Variants in PTPRM observed in about 807,000 individuals in gnomAD.
PTPRM encodes receptor-type tyrosine-protein phosphatase mu.
In PTPRM, 47 loss-of-function variants were observed where a neutral mutation model predicts 186.7. The ratio of observed to expected loss-of-function variants is 0.25; its 90% CI spans 0.20 to 0.32. The LOEUF is 0.32. Ranked by LOEUF, PTPRM falls within the 10% of genes least tolerant of loss-of-function variation. The pLI is 1.00. For missense variants in PTPRM, 1,494 were observed against 1,865.0 expected, an observed-to-expected ratio of 0.80 and a Z score of 3.66; for synonymous variants, 668 against 674.9, an observed-to-expected ratio of 0.99 and a Z score of 0.16.
chr18:8,236,008 G>C (rs2094341945), intron 14 of PTPRM, among the ~76,000 whole-genome samples: 1 of 152,134 alleles, frequency 6.6e-6, no homozygotes, highest in Non-Finnish European at 1.5e-5. Context: ...TCTATCTGGT[G>C]AATGTACCCT....
At chr18:7,611,999 A>G (rs2037687224) in intron 1 of PTPRM, among the ~76,000 whole-genome samples, 1 of 152,230 alleles carries the variant, frequency 6.6e-6, no homozygotes, top group Non-Finnish European at 1.5e-5. Flanking sequence ...CAATGACAAA[A>G]TTGTCTAACT....
intron 2 of PTPRM, among the ~76,000 whole-genome samples, chr18:7,845,631 A>G (rs1443614): frequency 0.67 from 102,093 of 152,150 alleles, 34,748 homozygotes; most frequent in East Asian, 0.9. Context: ...TCCTTTTCAC[A>G]TTTATGGACA....
intron 1 of PTPRM, among the ~76,000 whole-genome samples, chr18:7,736,286 T>C (rs2040769559): frequency 6.6e-6 from 1 of 152,214 alleles, no homozygotes; most frequent in Non-Finnish European, 1.5e-5. Flanking sequence ...TGAGTTTTCA[T>C]AAATGCCAAA....
chr18:7,613,855 A>G (rs573258098), intron 1 of PTPRM, among the ~76,000 whole-genome samples: 117 of 152,314 alleles, frequency 7.7e-4, no homozygotes, highest in South Asian at 1.7e-3. Context: ...TTTTATTTGT[A>G]TCAGGTAGAT....
In PTPRM at chr18:7,988,064, C is replaced by T. The variant is rs140686574; in HGVS notation, c.1132+32650C>T. Among the ~76,000 whole-genome samples, 771 of 151,256 alleles carry T rather than the reference C, an allele frequency of 5.1e-3. 5 individuals carry two copies. Among genetic ancestry groups the T allele is most frequent in the Non-Finnish European group, 7.5e-3 (510 of 67,838 alleles). ...ACCAGGCTTAGTGGCATGTGCCTGT[C>T]CTCCCAGTTACTCAGGATGCTAAGG... On this transcript the variant is annotated intron_variant, in intron 7 of 32. Transcript: ENST00000580170.
intron 1 of PTPRM, among the ~76,000 whole-genome samples, chr18:7,760,596 C>T (rs2041723989): frequency 6.6e-6 from 1 of 152,028 alleles, no homozygotes; most frequent in African/African-American, 2.4e-5. Context: ...GACTGAGACC[C>T]AGAAAGGAAA....
At chr18:8,090,884 C>CA (rs2090683003) in intron 11 of PTPRM, among the ~76,000 whole-genome samples, 1 of 152,150 alleles carries the variant, frequency 6.6e-6, no homozygotes, top group African/African-American at 2.4e-5. Flanking sequence ...TGTGAGCCAC[C>CA]ATGCCTGGCC....
intron 1 of PTPRM, among the ~76,000 whole-genome samples, chr18:7,716,420 G>A (rs928569806): frequency 6.6e-6 from 1 of 152,166 alleles, no homozygotes; most frequent in African/African-American, 2.4e-5. Flanking sequence ...TCAGGACAGA[G>A]GCATGGGCAG....
intron 6 of PTPRM, 32 bp downstream of exon 6, chr18:7,949,387 T>C (rs777361299): frequency 8.0e-5 from 124 of 1,557,726 alleles, no homozygotes; most frequent in Non-Finnish European, 9.6e-5. Flanking sequence ...CAGAATATTC[T>C]TCTAAAGTAG....
chr18:8,303,807 T>C (rs948568938), intron 20 of PTPRM, among the ~76,000 whole-genome samples: 1 of 151,518 alleles, frequency 6.6e-6, no homozygotes, highest in Non-Finnish European at 1.5e-5. Flanking sequence ...GGGAACCGGG[T>C]GGAAACAAGC....
intron 21 of PTPRM, among the ~76,000 whole-genome samples, chr18:8,315,231 CAT>C (rs2095300511): frequency 6.6e-6 from 1 of 152,178 alleles, no homozygotes; most frequent in Non-Finnish European, 1.5e-5. Flanking sequence ...GTCAACAACT[CAT>C]ATTATTCGAC....
At chr18:7,813,649 A>G (rs2044649393) in intron 2 of PTPRM, among the ~76,000 whole-genome samples, 1 of 151,552 alleles carries the variant, frequency 6.6e-6, no homozygotes, top group African/African-American at 2.4e-5. Flanking sequence ...TTTGTCTGTT[A>G]ATTTCTCTAT....
chr18:8,082,280 AAG>A (rs2090167901), intron 9 of PTPRM, among the ~76,000 whole-genome samples: 2 of 152,194 alleles, frequency 1.3e-5, no homozygotes, highest in African/African-American at 4.8e-5. Flanking sequence ...AAGATCAAAG[AAG>A]AGATTTCACA....
intron 14 of PTPRM, among the ~76,000 whole-genome samples, chr18:8,184,401 A>C (rs1045809081): frequency 6.6e-6 from 1 of 152,200 alleles, no homozygotes; most frequent in Non-Finnish European, 1.5e-5. Context: ...TGATAAGTCC[A>C]TTAAAAAGAT....
chr18:7,906,674 G>A (rs952584108), intron 4 of PTPRM, 91 bp downstream of exon 4: 16 of 1,069,738 alleles, frequency 1.5e-5, no homozygotes, highest in African/African-American at 7.8e-5. Context: ...CCTGTGAAGA[G>A]GTCATCTTGC....
intron 2 of PTPRM, among the ~76,000 whole-genome samples, chr18:7,780,956 G>T (rs2042827221): frequency 1.3e-5 from 2 of 152,226 alleles, no homozygotes; most frequent in South Asian, 4.2e-4. Flanking sequence ...GACCCTGAAA[G>T]CCATGGGAAG....
At chr18:7,861,560 T>A (rs1254664232) in intron 2 of PTPRM, among the ~76,000 whole-genome samples, 1 of 152,166 alleles carries the variant, frequency 6.6e-6, no homozygotes, top group East Asian at 1.9e-4. Context: ...CTATAAAATA[T>A]ACCTAAAACA....
intron 7 of PTPRM, among the ~76,000 whole-genome samples, chr18:7,958,990 G>C (rs1177246298): frequency 1.3e-5 from 2 of 152,158 alleles, no homozygotes; most frequent in Non-Finnish European, 2.9e-5. Flanking sequence ...GAGTTTTAGT[G>C]TTGGCTCTGC....
intron 13 of PTPRM, among the ~76,000 whole-genome samples, chr18:8,139,611 G>A (rs565806708): frequency 3.9e-5 from 6 of 152,172 alleles, no homozygotes; most frequent in South Asian, 2.1e-4. Flanking sequence ...CACCTTCTCC[G>A]CAGTTCACCG....
Sources: gnomAD v4.1 joint callset for allele counts (sites outside exome capture counted in the v4.1 genomes callset) on GRCh38, gnomAD v4.1.1 for gene constraint, MANE v1.5 for transcripts, NCBI Gene and HGNC (gene_info 2026-07-23, HGNC 2026-07-21) for gene names.